The following ITPR1 variants were observed in gnomAD, a reference collection of about 807,000 sequenced individuals.
ITPR1 encodes the protein inositol 1,4,5-trisphosphate receptor type 1.
Under a neutral mutation model 318.4 loss-of-function variants are expected in ITPR1, and 96 were observed. The ratio of observed to expected loss-of-function variants is 0.30; its 90% CI spans 0.26 to 0.36. ITPR1 has a LOEUF of 0.36. Among genes scored for constraint, ITPR1 ranks in the 10% least tolerant of loss-of-function variants. ITPR1 has a pLI of 1.00. For missense variants in ITPR1, 2,440 were observed against 3,460.2 expected (o/e 0.71, Z 7.40); for synonymous variants, 1,312 against 1,289.9 (o/e 1.02, Z -0.37).
At chr3:4,534,091 G>A (rs1359454298) in intron 4 of ITPR1, among the ~76,000 whole-genome samples, 1 of 152,252 alleles carries the variant, frequency 6.6e-6, no homozygotes, top group East Asian at 1.9e-4. Flanking sequence ...TGCATTTGCA[G>A]AAGGAATGTC....
chr3:4,766,748 A>G (rs373233262), intron 45 of ITPR1, 38 bp downstream of exon 45: 135 of 1,488,720 alleles, frequency 9.1e-5, no homozygotes, highest in Non-Finnish European at 1.2e-4. Flanking sequence ...TGGATCATGA[A>G]CACCAGAAGA....
chr3:4,740,505 C>T (rs559972750), intron 44 of ITPR1, among the ~76,000 whole-genome samples: 10 of 152,180 alleles, frequency 6.6e-5, no homozygotes, highest in Non-Finnish European at 1.5e-4. Flanking sequence ...GCTTGCTAGG[C>T]ACTCTCATGG....
intron 55 of ITPR1, among the ~76,000 whole-genome samples, chr3:4,809,993 T>C (rs983239049): frequency 6.6e-6 from 1 of 152,090 alleles, no homozygotes; most frequent in African/African-American, 2.4e-5. Context: ...GAACACAGAT[T>C]GGTGTCAAGG....
At chr3:4,521,590 T>G (rs1192397008) in intron 4 of ITPR1, among the ~76,000 whole-genome samples, 1 of 152,146 alleles carries the variant, frequency 6.6e-6, no homozygotes, top group Non-Finnish European at 1.5e-5. Flanking sequence ...TGGCGCATGC[T>G]TGTAATCTCA....
Position 4,765,135 on chromosome 3 carries a change from C to G in ITPR1, c.5545-1395C>G, listed in dbSNP as rs140934299. On this transcript the variant is annotated intron_variant, in intron 44 of 61. Transcript: ENST00000649015. Reference sequence around the variant, plus strand: ...GGACACTACAGACTTACCTTGGTTCCAGAGTGGGAGTCGTGAAGGCCTCAA... The same window carrying G: ...GGACACTACAGACTTACCTTGGTTCGAGAGTGGGAGTCGTGAAGGCCTCAA... Among the ~76,000 whole-genome samples, 418 of 152,224 alleles carry G rather than the reference C, an allele frequency of 2.7e-3. 3 individuals are homozygous for G. Among genetic ancestry groups the G allele is most frequent in the Non-Finnish European group, 4.7e-3 (320 of 68,006 alleles).
rs2094336496 is a variant in ITPR1, at chr3:4,683,439, G to A, written c.3215G>A (p.Arg1072His). Residue 1072 changes from arginine to histidine, a missense_variant, in exon 27 of 62, where the codon CGT (arginine) becomes CAT (histidine). Around this residue, in one of 23 missense-constraint regions of ITPR1, gnomAD observed 76 missense variants for 132.2 expected, o/e 0.58. Transcript: ENST00000649015. ...GACCACGGCGGCAGAACCTTTCTCCGTGTCCTGCTCCACTTGACGATGCAT... is the reference window on the plus strand; with the variant it reads ...GACCACGGCGGCAGAACCTTTCTCCATGTCCTGCTCCACTTGACGATGCAT... ...LDDHGGRTFL[R>H]VLLHLTMHDY... 1.9e-6 allele frequency: 3 copies of A among 1,614,012 alleles called. No homozygotes were observed. Among genetic ancestry groups the A allele is most frequent in the Non-Finnish European group, 1.7e-6 (2 of 1,179,886 alleles).
intron 19 of ITPR1, among the ~76,000 whole-genome samples, chr3:4,670,142 T>C (rs75642054): frequency 0.024 from 3,588 of 152,326 alleles, 116 homozygotes; most frequent in African/African-American, 0.073. Flanking sequence ...GGGAGGAGTT[T>C]TAAATTATTA....
chr3:4,825,031 C>G (rs1002651546), intron 60 of ITPR1, among the ~76,000 whole-genome samples: 1 of 152,202 alleles, frequency 6.6e-6, no homozygotes, highest in Non-Finnish European at 1.5e-5. Flanking sequence ...CAACCACAGC[C>G]AGACTGGAGC....
At chr3:4,652,062 G>A (rs2093609531) in intron 10 of ITPR1, 61 bp from the exon 11 acceptor site, 8 of 1,270,136 alleles carry the variant, frequency 6.3e-6, no homozygotes, top group African/African-American at 4.4e-5. Flanking sequence ...TGATACCTCC[G>A]ATTTAATGTC....
chr3:4,561,955 T>A (rs2086714294), intron 4 of ITPR1, among the ~76,000 whole-genome samples: 1 of 152,208 alleles, frequency 6.6e-6, no homozygotes, highest in Non-Finnish European at 1.5e-5. Flanking sequence ...TATTCAATTT[T>A]GTCTTTAACA....
chr3:4,584,998 A>G (rs1238393243), intron 4 of ITPR1, among the ~76,000 whole-genome samples: 1 of 152,234 alleles, frequency 6.6e-6, no homozygotes, highest in Non-Finnish European at 1.5e-5. Flanking sequence ...TGACTTGCCC[A>G]CTGTCAGAGT....
chr3:4,531,175 T>A (rs1169160925), intron 4 of ITPR1, among the ~76,000 whole-genome samples: 1 of 152,144 alleles, frequency 6.6e-6, no homozygotes, highest in Non-Finnish European at 1.5e-5. Flanking sequence ...TGTCTGCCAC[T>A]TAAGTGAATT....
At chr3:4,762,168 TA>T (rs2045499794) in intron 44 of ITPR1, among the ~76,000 whole-genome samples, 2 of 152,222 alleles carry the variant, frequency 1.3e-5, no homozygotes, top group Admixed American at 6.5e-5. Context: ...GGTACCTTTT[TA>T]ATTTTTTTTA....
intron 34 of ITPR1, among the ~76,000 whole-genome samples, chr3:4,698,533 T>C (rs569074832): frequency 1.3e-5 from 2 of 152,318 alleles, no homozygotes; most frequent in East Asian, 3.9e-4. Context: ...CTTTGTGGGC[T>C]GTTCATCTCT....
chr3:4,555,987 C>T (rs542882005), intron 4 of ITPR1, among the ~76,000 whole-genome samples: 166 of 152,306 alleles, frequency 1.1e-3, no homozygotes, highest in South Asian at 6.6e-3. Flanking sequence ...GACACTGCGT[C>T]GTGCTGTGTT....
chr3:4,544,891 C>T (rs2084816156), intron 4 of ITPR1, among the ~76,000 whole-genome samples: 1 of 152,210 alleles, frequency 6.6e-6, no homozygotes, highest in South Asian at 2.1e-4. Context: ...ACCTCTTAGG[C>T]TTAAGCAATC....
intron 4 of ITPR1, among the ~76,000 whole-genome samples, chr3:4,567,086 A>G (rs1488449669): frequency 1.3e-5 from 2 of 152,200 alleles, no homozygotes; most frequent in African/African-American, 2.4e-5. Flanking sequence ...GGGGATAATA[A>G]TACCTATTTC....
intron 4 of ITPR1, among the ~76,000 whole-genome samples, chr3:4,548,078 G>A (rs1256918461): frequency 2.0e-5 from 3 of 152,096 alleles, no homozygotes; most frequent in Admixed American, 2.0e-4. Context: ...GTAGGGTGAG[G>A]GAGTCTTTCC....
chr3:4,671,529 C>G (rs1345951196), intron 20 of ITPR1: 15 of 152,312 alleles, frequency 9.8e-5, no homozygotes, highest in African/African-American at 3.6e-4. Context: ...CTCCAGCTGC[C>G]ACGATTCCCT....
Sources: allele counts gnomAD v4.1 joint callset (sites outside exome capture counted in the v4.1 genomes callset), GRCh38; gene constraint gnomAD v4.1.1; regional missense constraint gnomAD v4.1.1; transcripts MANE v1.5; gene names NCBI Gene and HGNC (gene_info 2026-07-23, HGNC 2026-07-21).